The following DLGAP2 variants were observed in gnomAD, a reference collection of about 807,000 sequenced individuals.
The protein encoded by DLGAP2 is DLG associated protein 2.
Under a neutral mutation model 100.3 loss-of-function variants are expected in DLGAP2, and 26 were observed. The observed-to-expected ratio is 0.26, with a 90% CI of 0.19 to 0.36. The LOEUF (loss-of-function observed/expected upper bound fraction) is 0.36, where lower values mean the gene tolerates loss of function less well. DLGAP2 is among the 10% of genes least tolerant of loss of function. The probability of loss-of-function intolerance (pLI) is 1.00; values close to 1 mark genes in which losing one functional copy is unlikely to be tolerated. For synonymous variants in DLGAP2, 886 were observed against 630.1 expected, an observed-to-expected ratio of 1.41 and a Z score of -6.08; for missense variants, 1,858 against 1,453.2, an observed-to-expected ratio of 1.28 and a Z score of -4.53.
chr8:1,481,546 T>G (rs1410536383), intron 3 of DLGAP2, among the ~76,000 whole-genome samples: 5 of 148,592 alleles, frequency 3.4e-5, no homozygotes, highest in Admixed American at 2.0e-4. Flanking sequence ...TGGTATGATC[T>G]TGGATCACTG....
At chr8:1,276,377 G>T (rs1259324316) in intron 3 of DLGAP2, among the ~76,000 whole-genome samples, 1 of 152,024 alleles carries the variant, frequency 6.6e-6, no homozygotes, top group African/African-American at 2.4e-5. Flanking sequence ...GGCACTATCA[G>T]ATGGAACCGT....
intron 3 of DLGAP2, chr8:1,301,543 T>C (rs1173855159): frequency 6.6e-6 from 1 of 152,172 alleles, no homozygotes; most frequent in Non-Finnish European, 1.5e-5. Context: ...ACACTTTCAC[T>C]CTTTTTCTTG....
chr8:1,258,350 C>A (rs1167345280), intron 2 of DLGAP2, among the ~76,000 whole-genome samples: 1 of 152,054 alleles, frequency 6.6e-6, no homozygotes, highest in Non-Finnish European at 1.5e-5. Flanking sequence ...CTACCAAACA[C>A]CACATGATCT....
At chr8:1,452,842 C>T (rs1455102176) in intron 3 of DLGAP2, among the ~76,000 whole-genome samples, 1 of 152,166 alleles carries the variant, frequency 6.6e-6, no homozygotes, top group East Asian at 1.9e-4. Context: ...ACCAGATTGT[C>T]TCAGGACGGT....
chr8:831,047 C>T (rs4439155), intron 1 of DLGAP2, among the ~76,000 whole-genome samples: 38,106 of 151,636 alleles, frequency 0.25, 5,142 homozygotes, highest in Middle Eastern at 0.34. Context: ...AGGCATGGGC[C>T]ACCATACCTG....
chr8:1,261,409 G>T (rs569625450), intron 3 of DLGAP2, among the ~76,000 whole-genome samples: 1 of 149,152 alleles, frequency 6.7e-6, no homozygotes, highest in East Asian at 2.0e-4. Context: ...GGGCAGGTCA[G>T]CTTCCAGATC....
At chr8:1,222,376 G>T (rs537701801) in intron 2 of DLGAP2, among the ~76,000 whole-genome samples, 3 of 152,288 alleles carry the variant, frequency 2.0e-5, no homozygotes, top group Admixed American at 2.0e-4. Flanking sequence ...CCCAGGGGCT[G>T]CATGCTCTAA....
chr8:1,112,463 A>G (rs1804988728), intron 2 of DLGAP2, among the ~76,000 whole-genome samples: 1 of 151,936 alleles, frequency 6.6e-6, no homozygotes, highest in South Asian at 2.1e-4. Flanking sequence ...GATGGTCTCG[A>G]TCTCCTCACC....
At chr8:1,385,748 C>T (rs1217816733) in intron 3 of DLGAP2, among the ~76,000 whole-genome samples, 1 of 147,402 alleles carries the variant, frequency 6.8e-6, no homozygotes, top group Non-Finnish European at 1.5e-5. Context: ...ACAGTTACCC[C>T]GGCCTATGCC....
At chr8:1,458,806 T>C (rs1798391574) in intron 3 of DLGAP2, among the ~76,000 whole-genome samples, 2 of 151,700 alleles carry the variant, frequency 1.3e-5, no homozygotes, top group East Asian at 1.9e-4. Flanking sequence ...AAAACAGGAG[T>C]GGGAGAAGGC....
intron 1 of DLGAP2, among the ~76,000 whole-genome samples, chr8:881,323 G>A (rs959731307): frequency 2.6e-5 from 4 of 152,082 alleles, no homozygotes; most frequent in Admixed American, 6.6e-5. Context: ...TATGTAGGAC[G>A]TTTGCCCCGA....
At chr8:926,565 G>A (rs1025519727) in intron 2 of DLGAP2, among the ~76,000 whole-genome samples, 1 of 152,258 alleles carries the variant, frequency 6.6e-6, no homozygotes, top group Non-Finnish European at 1.5e-5. Flanking sequence ...GGAGGGCACA[G>A]TGGGCTCTGC....
At chr8:1,694,661 G>A (rs138257588) in intron 13 of DLGAP2, among the ~76,000 whole-genome samples, 55 of 152,258 alleles carry the variant, frequency 3.6e-4, no homozygotes, top group African/African-American at 1.2e-3. Context: ...TCCAACCCCG[G>A]GGGGTGTGTG....
intron 1 of DLGAP2, among the ~76,000 whole-genome samples, chr8:886,962 G>A (rs570186320): frequency 6.6e-6 from 1 of 152,198 alleles, no homozygotes; most frequent in African/African-American, 2.4e-5. Flanking sequence ...AACACTGACA[G>A]TGGGGTGCTA....
intron 1 of DLGAP2, among the ~76,000 whole-genome samples, chr8:863,057 C>G (rs1262111575): frequency 6.6e-6 from 1 of 152,140 alleles, no homozygotes; most frequent in Non-Finnish European, 1.5e-5. Context: ...TTGTACTTTG[C>G]TATTTGTGAA....
At chr8:746,328 A>G (rs1302012297) in intron 1 of DLGAP2, among the ~76,000 whole-genome samples, 1 of 152,224 alleles carries the variant, frequency 6.6e-6, no homozygotes, top group Non-Finnish European at 1.5e-5. Context: ...AACTCATAGA[A>G]TTCTCATGCC....
chr8:964,475 CAAG>C (rs969435413), intron 2 of DLGAP2, among the ~76,000 whole-genome samples: 4 of 152,250 alleles, frequency 2.6e-5, no homozygotes, highest in African/African-American at 9.6e-5. Flanking sequence ...TATCGTAAGT[CAAG>C]AACAATTATT....
intron 3 of DLGAP2, among the ~76,000 whole-genome samples, chr8:1,431,630 G>A (rs950284692): frequency 4.0e-5 from 6 of 151,470 alleles, no homozygotes; most frequent in African/African-American, 7.2e-5. Context: ...TCACAGGCTC[G>A]CTGGCGTGGT....
intron 2 of DLGAP2, among the ~76,000 whole-genome samples, chr8:999,672 G>T (rs1014976654): frequency 6.6e-6 from 1 of 151,848 alleles, no homozygotes; most frequent in African/African-American, 2.4e-5. Context: ...GTAGAAATGG[G>T]GTTTCACCAT....
Sources: gnomAD v4.1 joint callset for allele counts (sites outside exome capture counted in the v4.1 genomes callset) on GRCh38, gnomAD v4.1.1 for gene constraint, MANE v1.5 for transcripts, NCBI Gene and HGNC (gene_info 2026-07-23, HGNC 2026-07-21) for gene names.